PIP5K1C: variants seen among roughly 807,000 people sequenced by gnomAD.
PIP5K1C encodes phosphatidylinositol-4-phosphate 5-kinase type 1 gamma.
In PIP5K1C, 45 loss-of-function variants were observed where a neutral mutation model predicts 80.1. The observed-to-expected ratio is 0.56, with a 90% CI of 0.44 to 0.72. The LOEUF is 0.72. PIP5K1C is among the 30% of genes least tolerant of loss of function. PIP5K1C has a pLI of 0.00. For synonymous variants in PIP5K1C, 498 were observed against 420.1 expected (o/e 1.19, Z -2.27); for missense variants, 753 against 954.6 (o/e 0.79, Z 2.78).
At chr19:3,682,438 T>G (rs28648376) in intron 1 of PIP5K1C, among the ~76,000 whole-genome samples, 30,356 of 150,570 alleles carry the variant, frequency 0.2, 3,503 homozygotes, top group African/African-American at 0.31. Flanking sequence ...CCAGCACACT[T>G]GGAGGCCGAG....
At chr19:3,671,072 A>G (rs2145528174) in intron 1 of PIP5K1C, among the ~76,000 whole-genome samples, 1 of 152,226 alleles carries the variant, frequency 6.6e-6, no homozygotes, top group Non-Finnish European at 1.5e-5. Flanking sequence ...AAAAGAAGAG[A>G]GGGCAGGAAG....
In PIP5K1C at chr19:3,688,346, G is replaced by A. The variant is rs575408904; in HGVS notation, c.94+11951C>T. 3.9e-4 allele frequency among the ~76,000 whole-genome samples: 59 copies of A among 152,250 alleles called. No individual in the cohort carries two copies. The highest frequency in any genetic ancestry group is 1.4e-3 in the African/African-American group (58 of 41,560). On this transcript the variant is annotated intron_variant, in intron 1 of 17. Coordinates refer to ENST00000335312, the MANE Select transcript of PIP5K1C (RefSeq NM_012398.3). The surrounding 1 kb of genome is among the most constrained non-coding windows in gnomAD (Gnocchi z 5.3). ...GGGAAACAGAGCGGGGTGCCGCAGGGGAGCCCGCAGGAGCTCCTGTTCCTC... is the reference window on the plus strand; with the variant it reads ...GGGAAACAGAGCGGGGTGCCGCAGGAGAGCCCGCAGGAGCTCCTGTTCCTC...
intron 1 of PIP5K1C, among the ~76,000 whole-genome samples, chr19:3,690,584 T>C (rs2035918268): frequency 6.6e-6 from 1 of 151,972 alleles, no homozygotes; most frequent in Non-Finnish European, 1.5e-5. Flanking sequence ...GACTTTCCCA[T>C]TCATGACACC....
At chr19:3,682,077 A>G (rs1233071526) in intron 1 of PIP5K1C, among the ~76,000 whole-genome samples, 2 of 152,144 alleles carry the variant, frequency 1.3e-5, no homozygotes, top group Non-Finnish European at 2.9e-5. Flanking sequence ...AACATTTCTT[A>G]GAAAAGGCAT....
chr19:3,692,570 G>A lies in PIP5K1C; in HGVS notation c.94+7727C>T, dbSNP rs1279590397. 5.3e-5 allele frequency among the ~76,000 whole-genome samples: 8 copies of A among 152,106 alleles called. 1 individual carries two copies. Among genetic ancestry groups the A allele is most frequent in the Admixed American group, 3.3e-4 (5 of 15,280 alleles). ...CCATCCCAGATGGCGCACTGCTCAT[G>A]GTCCCCACCTGGCCCAGCCCCAGCT... On this transcript the variant is annotated intron_variant, in intron 1 of 17. Coordinates refer to ENST00000335312, the MANE Select transcript of PIP5K1C (RefSeq NM_012398.3). This position sits in a 1 kb window ranked among gnomAD's most constrained non-coding sequence, Gnocchi z 5.2.
At chr19:3,641,922 T>A in intron 14 of PIP5K1C, 113 bp from the exon 15 acceptor site, 1 of 809,244 alleles carries the variant, frequency 1.2e-6, no homozygotes, top group Non-Finnish European at 2.1e-6. Flanking sequence ...GGGAGCCTCC[T>A]GATTGGGTCT....
rs1349626375 is a variant in PIP5K1C, at chr19:3,643,307, A to C, written c.1585T>G (p.Ser529Ala). 2 of 1,613,992 alleles carry C rather than the reference A, an allele frequency of 1.2e-6. No individual in the cohort carries two copies. The highest frequency in any genetic ancestry group is 1.7e-6 in the Non-Finnish European group (2 of 1,179,964). Residue 529 changes from serine to alanine, a missense_variant, in exon 13 of 18, where the codon TCA (serine) becomes GCA (alanine). Ser to Ala is a moderately conservative substitution (Grantham distance 99). Transcript: ENST00000335312. ...TCAGGAATGGAGAGGGATGTGGATG[A>C]CAGAGTCGTGGCAATGGAGGCTGTA... ...ATTASIATTL[S>A]STSLSIPERS... is the part of the protein sequence containing the mutation.
At chr19:3,639,148 G>A (rs1345269663) in intron 15 of PIP5K1C, 132 bp from the exon 16 acceptor site, 1 of 1,058,658 alleles carries the variant, frequency 9.4e-7, no homozygotes, top group Non-Finnish European at 1.4e-6. Context: ...GCTGACCACA[G>A]GCCGCGCGCT....
At position 3,692,571 on chromosome 19, in the gene PIP5K1C, G is replaced by A. The variant is rs893894247; in HGVS notation, c.94+7726C>T. 6.6e-6 allele frequency among the ~76,000 whole-genome samples: 1 copy of A among 152,054 alleles called. No individual in the cohort carries two copies. Among genetic ancestry groups the A allele is most frequent in the African/African-American group, 2.4e-5 (1 of 41,376 alleles). Reference sequence around the variant, plus strand: ...CATCCCAGATGGCGCACTGCTCATGGTCCCCACCTGGCCCAGCCCCAGCTT... The same window carrying A: ...CATCCCAGATGGCGCACTGCTCATGATCCCCACCTGGCCCAGCCCCAGCTT... On this transcript the variant is annotated intron_variant, in intron 1 of 17. Transcript: ENST00000335312. The surrounding 1 kb of genome is among the most constrained non-coding windows in gnomAD (Gnocchi z 5.2).
chr19:3,686,067 G>C (rs1004893903), intron 1 of PIP5K1C, among the ~76,000 whole-genome samples: 29 of 151,990 alleles, frequency 1.9e-4, no homozygotes, highest in African/African-American at 6.5e-4. Flanking sequence ...TGCCGAGGCT[G>C]GTCTCAAACT....
rs917854033 is a variant in PIP5K1C, at chr19:3,648,030, CT to C, written c.1211+594del. Among the ~76,000 whole-genome samples, 18 of 149,902 alleles carry C rather than the reference CT, an allele frequency of 1.2e-4. No individual in the cohort carries two copies. The highest frequency in any genetic ancestry group is 2.7e-4 in the Admixed American group (4 of 15,040). On this transcript the variant is annotated intron_variant, in intron 9 of 17. Coordinates refer to ENST00000335312, the MANE Select transcript of PIP5K1C (RefSeq NM_012398.3). The surrounding 1 kb of genome is among the most constrained non-coding windows in gnomAD (Gnocchi z 4.3). ...ACCCACTCCTTGGATTTTCTTTTTTCTTTTTTTTTGGGACAGGGTCTTGCTC... is the reference window on the plus strand; with the variant it reads ...ACCCACTCCTTGGATTTTCTTTTTTCTTTTTTTTGGGACAGGGTCTTGCTC...
At position 3,642,994 on chromosome 19, in the gene PIP5K1C, AGTCTACCT is replaced by A. The variant is rs1162008954; in HGVS notation, c.1650-63_1650-56del. 5 of 1,599,588 alleles carry A rather than the reference AGTCTACCT, an allele frequency of 3.1e-6. No homozygotes were observed. The African/African-American group carries it at 6.7e-5, about 21-fold the overall frequency. On this transcript the variant is annotated intron_variant, in intron 13 of 17. Transcript: ENST00000335312. ...CAGAAAGAGAGTGGCCCGCCTGCTCAGTCTACCTGCCTTGCCTACCCGCCTGCCTACCT... is the reference window on the plus strand; with the variant it reads ...CAGAAAGAGAGTGGCCCGCCTGCTCAGCCTTGCCTACCCGCCTGCCTACCT...
rs372901079 is a variant in PIP5K1C at position 3,648,502 on chromosome 19, A to G, written c.1211+123T>C. 96 of 851,586 alleles carry G rather than the reference A, an allele frequency of 1.1e-4. No individual in the cohort carries two copies. Among genetic ancestry groups the G allele is most frequent in the East Asian group, 4.9e-4 (18 of 37,108 alleles). 52.8% of individuals were successfully genotyped at this position (851,586 alleles called of 1,614,324 possible). On this transcript the variant is annotated intron_variant, in intron 9 of 17. Transcript: ENST00000335312. This position sits in a 1 kb window ranked among gnomAD's most constrained non-coding sequence, Gnocchi z 4.3. ...CATCCACCTGTGGGACTGCAGACCC[A>G]GGCGCCCACCTGTGGGGCTGCAGAC...
intron 5 of PIP5K1C, among the ~76,000 whole-genome samples, chr19:3,657,772 A>AG (rs1476880626): frequency 6.6e-6 from 1 of 151,050 alleles, no homozygotes; most frequent in Non-Finnish European, 1.5e-5. Flanking sequence ...CTAAAAAAAA[A>AG]AAAGAAAGAA....
intron 1 of PIP5K1C, among the ~76,000 whole-genome samples, chr19:3,693,175 G>A (rs1323309245): frequency 2.0e-5 from 3 of 152,278 alleles, no homozygotes; most frequent in South Asian, 2.1e-4. Flanking sequence ...ACGCAGGAAA[G>A]CACACGTAGA....
intron 2 of PIP5K1C, among the ~76,000 whole-genome samples, chr19:3,666,730 C>T (rs766472227): frequency 2.6e-5 from 4 of 151,554 alleles, no homozygotes; most frequent in African/African-American, 7.3e-5. Flanking sequence ...CACACACGCA[C>T]GCAGGCAAAC....
chr19:3,648,525 G>A lies in PIP5K1C; in HGVS notation c.1211+100C>T, dbSNP rs2034323404. ...CCAGGCGCCCACCTGTGGGGCTGCA[G>A]ACCCGGGCGCCCACCTGTGGGGCTG... is the stretch of plus-strand genomic sequence containing the variant. On this transcript the variant is annotated intron_variant, in intron 9 of 17. Transcript: ENST00000335312. This position sits in a 1 kb window ranked among gnomAD's most constrained non-coding sequence, Gnocchi z 4.3. The A allele has an allele frequency of 2.2e-6, 1 of 446,620 alleles. No individual in the cohort carries two copies. Among genetic ancestry groups the A allele is most frequent in the East Asian group, 2.9e-5 (1 of 35,024 alleles). 27.7% of individuals were successfully genotyped at this position (446,620 alleles called of 1,614,324 possible).
At chr19:3,636,835 G>A in intron 16 of PIP5K1C, 1 of 991,744 alleles carries the variant, frequency 1.0e-6, no homozygotes, top group Non-Finnish European at 1.2e-6. Flanking sequence ...GTGCGGTGCT[G>A]GGCAGGTCTC....
rs1012815109 is a variant in PIP5K1C, at chr19:3,637,640, G to A, written c.1920+1244C>T. 1.5e-5 allele frequency: 22 copies of A among 1,515,348 alleles called. No homozygotes were observed. The East Asian group carries it at 4.2e-4, about 29-fold the overall frequency. 93.9% of individuals were successfully genotyped at this position (1,515,348 alleles called of 1,614,324 possible). On this transcript the variant is annotated intron_variant, in intron 16 of 17. Transcript: ENST00000335312. This position sits in a 1 kb window ranked among gnomAD's most constrained non-coding sequence, Gnocchi z 7.0. ...TGGACGGGGCGGGCCGGGTGGGCCGGAGGAGGAAGGAAAACAGAGGACAGC... is the reference window on the plus strand; with the variant it reads ...TGGACGGGGCGGGCCGGGTGGGCCGAAGGAGGAAGGAAAACAGAGGACAGC...
Sources: allele counts gnomAD v4.1 joint callset (sites outside exome capture counted in the v4.1 genomes callset), GRCh38; gene constraint gnomAD v4.1.1; non-coding constraint Gnocchi (gnomAD v3.1); transcripts MANE v1.5; gene names NCBI Gene and HGNC (gene_info 2026-07-23, HGNC 2026-07-21).